MTCL2: variants seen among roughly 807,000 people sequenced by gnomAD.
MTCL2 encodes microtubule crosslinking factor 2.
chr20:36,842,863 A>G, the MTCL2 span, among the ~76,000 whole-genome samples: 1 of 152,102 alleles, frequency 6.6e-6, no homozygotes, highest in East Asian at 1.9e-4. Flanking sequence ...CGAGGATGGC[A>G]GTGATGGAAG....
the MTCL2 span, among the ~76,000 whole-genome samples, chr20:36,835,252 G>A: frequency 1.3e-5 from 2 of 152,256 alleles, no homozygotes; most frequent in Non-Finnish European, 2.9e-5. Context: ...AGGCCCCACC[G>A]AGGTTCTGTA....
chr20:36,794,259 T>C, the MTCL2 span: 1 of 1,550,966 alleles, frequency 6.4e-7, no homozygotes, highest in Non-Finnish European at 8.7e-7. This position sits in a 1 kb window ranked among gnomAD's most constrained non-coding sequence, Gnocchi z 5.4. Flanking sequence ...GGCTCGATAA[T>C]GATCTTGCCC....
At chr20:36,783,755 G>A in the MTCL2 span, 1 of 985,180 alleles carries the variant, frequency 1.0e-6, no homozygotes, top group South Asian at 4.7e-5. Context: ...GGCATTTGAA[G>A]AAACCAACAA....
chr20:36,828,997 G>C, the MTCL2 span: 2 of 1,469,184 alleles, frequency 1.4e-6, no homozygotes, highest in South Asian at 1.4e-5. Flanking sequence ...GGCTTGGGGG[G>C]GCTTGCATGT....
the MTCL2 span, among the ~76,000 whole-genome samples, chr20:36,788,737 G>A: frequency 6.6e-6 from 1 of 152,038 alleles, no homozygotes; most frequent in Non-Finnish European, 1.5e-5. Context: ...GTGACCTTGG[G>A]AGATTTACTT....
the MTCL2 span, among the ~76,000 whole-genome samples, chr20:36,850,095 T>C: frequency 6.6e-6 from 1 of 152,230 alleles, no homozygotes. Context: ...AACTCTGATA[T>C]GACCCCTACA....
chr20:36,810,424 A>G, the MTCL2 span, among the ~76,000 whole-genome samples: 250 of 152,328 alleles, frequency 1.6e-3, 1 homozygote, highest in African/African-American at 5.8e-3. Context: ...TATAATTGCA[A>G]TATTTTAGAA....
chr20:36,786,631 C>G, the MTCL2 span: 1 of 1,549,654 alleles, frequency 6.5e-7, no homozygotes, highest in Non-Finnish European at 8.7e-7. Flanking sequence ...CAGTCACAAA[C>G]AGCGTCCTAG....
At chr20:36,793,912 C>T in the MTCL2 span, 6 of 1,551,064 alleles carry the variant, frequency 3.9e-6, no homozygotes, top group African/African-American at 4.1e-5. The surrounding 1 kb of genome is among the most constrained non-coding windows in gnomAD (Gnocchi z 6.8). Context: ...GGTCGGTCTG[C>T]AGGCCCACGC....
At chr20:36,817,688 T>C in the MTCL2 span, among the ~76,000 whole-genome samples, 2 of 152,100 alleles carry the variant, frequency 1.3e-5, no homozygotes, top group Non-Finnish European at 2.9e-5. Context: ...GAGAAGATGA[T>C]TCTAAAAACA....
At chr20:36,815,560 A>G in the MTCL2 span, 1 of 1,572,116 alleles carries the variant, frequency 6.4e-7, no homozygotes, top group Non-Finnish European at 8.6e-7. The surrounding 1 kb of genome is among the most constrained non-coding windows in gnomAD (Gnocchi z 5.3). Context: ...GCAGGCACAC[A>G]CTGGGCAGAG....
the MTCL2 span, among the ~76,000 whole-genome samples, chr20:36,826,767 C>T: frequency 2.6e-5 from 4 of 152,194 alleles, no homozygotes; most frequent in East Asian, 7.8e-4. Context: ...ATTTGGGTTG[C>T]TTCTACCCTC....
chr20:36,847,648 G>A, the MTCL2 span, among the ~76,000 whole-genome samples: 1 of 152,100 alleles, frequency 6.6e-6, no homozygotes, highest in African/African-American at 2.4e-5. Context: ...GAGCTCAGGA[G>A]TTTGAGACCA....
chr20:36,778,421 T>G, the MTCL2 span: 4 of 152,388 alleles, frequency 2.6e-5, no homozygotes, highest in East Asian at 7.7e-4. Context: ...TGGGTGGGGC[T>G]GCTAATCTGC....
chr20:36,815,015 T>C, the MTCL2 span: 3 of 1,061,284 alleles, frequency 2.8e-6, no homozygotes, highest in Non-Finnish European at 1.3e-6. This position sits in a 1 kb window ranked among gnomAD's most constrained non-coding sequence, Gnocchi z 5.3. Flanking sequence ...TGAACTGAGA[T>C]TGCACCACTG....
At chr20:36,808,749 G>T in the MTCL2 span, 1 of 1,573,524 alleles carries the variant, frequency 6.4e-7, no homozygotes, top group East Asian at 2.3e-5. Flanking sequence ...TTCAGCTGCC[G>T]GGGGACAAGA....
chr20:36,797,076 T>C, the MTCL2 span: 6 of 847,826 alleles, frequency 7.1e-6, no homozygotes, highest in African/African-American at 9.9e-5. Flanking sequence ...AATGATGTCA[T>C]CAATGATCTA....
At chr20:36,862,546 C>A in the MTCL2 span, 60 of 1,056,586 alleles carry the variant, frequency 5.7e-5, no homozygotes, top group African/African-American at 7.2e-4. Flanking sequence ...AGGGCTTGGG[C>A]CCCTTTCTCC....
At chr20:36,794,229 C>T in the MTCL2 span, 13 of 1,549,062 alleles carry the variant, frequency 8.4e-6, no homozygotes, top group Non-Finnish European at 1.0e-5. This position sits in a 1 kb window ranked among gnomAD's most constrained non-coding sequence, Gnocchi z 5.4. Flanking sequence ...TTGGGCTTGG[C>T]TGTGGTGAAG....
Sources: gnomAD v4.1 joint callset for allele counts (sites outside exome capture counted in the v4.1 genomes callset) on GRCh38, gnomAD v4.1.1 for gene constraint, Gnocchi (gnomAD v3.1) non-coding constraint, MANE v1.5 for transcripts, NCBI Gene and HGNC (gene_info 2026-07-23, HGNC 2026-07-21) for gene names.